Variants in GAS2L1 observed in about 807,000 individuals in gnomAD.
GAS2L1 encodes the protein GAS2-like protein 1.
Under a neutral mutation model 44.0 loss-of-function variants are expected in GAS2L1, and 26 were observed. The observed-to-expected ratio is 0.59, with a 90% CI of 0.43 to 0.82. The LOEUF is 0.82. GAS2L1 is among the 40% of genes least tolerant of loss of function. The probability of loss-of-function intolerance (pLI) is 0.00; values close to 1 mark genes in which losing one functional copy is unlikely to be tolerated. For missense variants in GAS2L1, 1,006 were observed against 983.0 expected (o/e 1.02, Z -0.31); for synonymous variants, 426 against 415.9 (o/e 1.02, Z -0.30).
intron 1 of GAS2L1, among the ~76,000 whole-genome samples, chr22:29,309,931 C>T (rs1421920390): frequency 6.6e-6 from 1 of 152,128 alleles, no homozygotes; most frequent in Non-Finnish European, 1.5e-5. Context: ...CTGGGCAGCT[C>T]CCTGGACCCA....
Position 29,308,454 on chromosome 22 carries a change from C to G in GAS2L1, c.349C>G (p.Pro117Ala). 3 of 1,605,936 alleles carry G rather than the reference C, an allele frequency of 1.9e-6. No homozygotes were observed. Among genetic ancestry groups the G allele is most frequent in the Non-Finnish European group, 1.7e-6 (2 of 1,178,826 alleles). Residue 117 changes from proline (P) to alanine (A), a missense_variant, in exon 1 of 5, where the codon CCG becomes GCG. Physicochemically the swap from Pro to Ala is conservative, Grantham distance 27. Transcript: ENST00000618518. ...CTGGTGCCGCGTGGAGCTGGGTGTG[C>G]CGGAGGTGCTCATGTTTGAGACTGA...
exon 5 of GAS2L1, chr22:29,312,398 G>A (rs201446646): frequency 7.5e-5 from 118 of 1,576,854 alleles, no homozygotes; most frequent in Non-Finnish European, 9.6e-5. Context: ...GTATCCCCAC[G>A]CCTCGGGGCC....
chr22:29,308,064 CTG>C, exon 1 of GAS2L1: 1 of 1,504,340 alleles, frequency 6.6e-7, no homozygotes, highest in Non-Finnish European at 8.9e-7. Flanking sequence ...CACAGCGATC[CTG>C]AACTGTGTTC....
chr22:29,308,591 G>A (rs545449101), exon 1 of GAS2L1: 3 of 1,599,782 alleles, frequency 1.9e-6, no homozygotes, highest in Non-Finnish European at 2.6e-6. Context: ...AGTTTGAGCA[G>A]GAGATTGAGC....
intron 4 of GAS2L1, 173 bp downstream of exon 5, chr22:29,311,171 A>C: frequency 9.6e-6 from 6 of 623,388 alleles, no homozygotes; most frequent in Non-Finnish European, 1.7e-5. Flanking sequence ...AACCAACAAC[A>C]CAGCTGGGGC....
At chr22:29,307,067 C>A (rs1216218295) in exon 1 of GAS2L1, 2 of 151,782 alleles carry the variant, frequency 1.3e-5, no homozygotes, top group African/African-American at 4.8e-5. Context: ...CATAGAGCTG[C>A]GGCTCGGGCG....
exon 5 of GAS2L1, chr22:29,311,540 G>C: frequency 6.5e-7 from 1 of 1,542,786 alleles, no homozygotes; most frequent in Non-Finnish European, 8.7e-7. Flanking sequence ...CCTCCGCCCA[G>C]AGCGGCCCCC....
intron 1 of GAS2L1, among the ~76,000 whole-genome samples, chr22:29,309,538 C>T (rs2061382146): frequency 6.6e-6 from 1 of 152,240 alleles, no homozygotes; most frequent in African/African-American, 2.4e-5. Context: ...CTCAAGGCCC[C>T]ACCTGCTTAT....
chr22:29,308,125 G>T (rs942918674), exon 1 of GAS2L1: 1 of 1,558,136 alleles, frequency 6.4e-7, no homozygotes, highest in Non-Finnish European at 8.7e-7. Context: ...CCAGTGGCGG[G>T]CATCGCGGGC....
At chr22:29,308,730 G>A (rs2061375759) in exon 1 of GAS2L1, 5 of 1,490,424 alleles carry the variant, frequency 3.4e-6, no homozygotes, top group African/African-American at 2.8e-5. Flanking sequence ...GCGCAACCTC[G>A]ACGAGCTGGT....
At chr22:29,311,695 G>T in exon 5 of GAS2L1, 8 of 1,523,332 alleles carry the variant, frequency 5.3e-6, no homozygotes, top group Non-Finnish European at 7.0e-6. Flanking sequence ...GGCCGGCCCC[G>T]GGGGGCCCCA....
At chr22:29,311,757 A>G in exon 5 of GAS2L1, 1 of 1,537,374 alleles carries the variant, frequency 6.5e-7, no homozygotes, top group Admixed American at 1.9e-5. Flanking sequence ...GCGGGCCCGG[A>G]GCCAGAGCCG....
chr22:29,308,281 G>A, exon 1 of GAS2L1: 7 of 1,607,964 alleles, frequency 4.4e-6, no homozygotes, highest in Non-Finnish European at 5.1e-6. Flanking sequence ...CTGGCCACGG[G>A]CACGACCCTG....
Position 29,310,421 on chromosome 22 carries a change from C to T in GAS2L1, c.634-18C>T. 1 of 1,389,904 alleles carries T rather than the reference C, an allele frequency of 7.2e-7. No individual in the cohort carries two copies. Among genetic ancestry groups the T allele is most frequent in the South Asian group, 1.2e-5 (1 of 85,238 alleles). The allele number at this position is 1,389,904 out of a possible 1,614,324, so 86.1% of individuals were successfully genotyped here. ...GAGGACTTGACCTCTGACCCCTACC[C>T]TCTCTCTCTGGCCTCAGGTGAGGGA... On this transcript the variant is annotated intron_variant, in intron 1 of 4. Transcript: ENST00000618518.
exon 5 of GAS2L1, chr22:29,312,653 C>T: frequency 2.1e-6 from 1 of 477,332 alleles, no homozygotes. Flanking sequence ...CTCTGTTGTA[C>T]ATTCCGGTTG....
exon 1 of GAS2L1, chr22:29,308,694 G>A (rs2061375067): frequency 7.3e-6 from 11 of 1,504,518 alleles, no homozygotes; most frequent in East Asian, 2.3e-5. Flanking sequence ...TCCTGCCCGC[G>A]GCCCCCGCAT....
exon 5 of GAS2L1, chr22:29,311,594 G>A: frequency 6.5e-7 from 1 of 1,540,376 alleles, no homozygotes; most frequent in Non-Finnish European, 8.7e-7. Flanking sequence ...CCCGGAGGGA[G>A]CGACCCAGCC....
chr22:29,310,293 T>A, intron 1 of GAS2L1, 146 bp from the exon 3 acceptor site: 1 of 556,654 alleles, frequency 1.8e-6, no homozygotes, highest in Non-Finnish European at 3.2e-6. Flanking sequence ...AAAGGTCACG[T>A]GTGGAAGCTG....
intron 1 of GAS2L1, among the ~76,000 whole-genome samples, chr22:29,309,984 C>T (rs776170677): frequency 3.5e-4 from 54 of 152,210 alleles, no homozygotes; most frequent in African/African-American, 1.1e-3. Context: ...ATGTGTGGGC[C>T]GGGCGTGGTG....
Sources: gnomAD v4.1 joint callset for allele counts (sites outside exome capture counted in the v4.1 genomes callset) on GRCh38, gnomAD v4.1.1 for gene constraint, MANE v1.5 for transcripts, NCBI Gene and HGNC (gene_info 2026-07-23, HGNC 2026-07-21) for gene names.